DMD: variants seen among roughly 807,000 people sequenced by gnomAD.
DMD encodes the protein dystrophin.
DMD carries 63 observed loss-of-function variants against 330.1 expected under a neutral mutation model. The ratio of observed to expected loss-of-function variants is 0.19; its 90% confidence interval spans 0.16 to 0.24. The LOEUF (loss-of-function observed/expected upper bound fraction) is 0.24, where lower values mean the gene tolerates loss of function less well. Ranked by LOEUF, DMD falls within the 10% of genes least tolerant of loss-of-function variation. The pLI is 1.00. For synonymous variants in DMD, 1,223 were observed against 959.8 expected, an observed-to-expected ratio of 1.27 and a Z score of -5.07; for missense variants, 3,344 against 2,684.1, an observed-to-expected ratio of 1.25 and a Z score of -5.43.
At chrX:32,377,830 C>T (rs1183152491) in intron 34 of DMD, among the ~76,000 whole-genome samples, 1 of 110,812 alleles carries the variant, frequency 9.0e-6, no homozygotes, top group Non-Finnish European at 1.9e-5. Flanking sequence ...CAGTATGTAT[C>T]CATACAAAAT....
chrX:32,264,423 T>C (rs753705087), intron 43 of DMD, among the ~76,000 whole-genome samples: 22 of 111,534 alleles, frequency 2.0e-4, no homozygotes, highest in South Asian at 3.8e-4. Context: ...GAGAGTGGGA[T>C]ACTGCTATAA....
intron 12 of DMD, among the ~76,000 whole-genome samples, chrX:32,605,704 A>C (rs764171441): frequency 2.7e-5 from 3 of 111,224 alleles, no homozygotes; most frequent in Non-Finnish European, 3.8e-5. Flanking sequence ...AAGAAGAAAA[A>C]TAGATAACCC....
Position 31,879,930 on chromosome X carries a change from TG to T in DMD, c.6913-4558del, listed in dbSNP as rs1291603751. ...CATCATTTTTCTAATAATCCTTTTA[TG>T]TATTATAAAACCATGCTCTTCATAT... On this transcript the variant is annotated intron_variant, in intron 47 of 78. Coordinates refer to ENST00000357033, the MANE Select transcript of DMD (RefSeq NM_004006.3). Among the ~76,000 whole-genome samples the T allele has an allele frequency of 8.9e-5, 10 of 112,360 alleles. No individual in the cohort carries two copies. The Admixed American group carries it at 9.5e-4, about 11-fold the overall frequency.
chrX:33,141,571 A>C (rs1341886788), intron 1 of DMD, among the ~76,000 whole-genome samples: 1 of 111,979 alleles, frequency 8.9e-6, no homozygotes, highest in Non-Finnish European at 1.9e-5. Flanking sequence ...AAAAATTTAA[A>C]ATATCTGATT....
At chrX:33,080,873 T>A (rs72626073) in intron 1 of DMD, among the ~76,000 whole-genome samples, 5 of 110,690 alleles carry the variant, frequency 4.5e-5, no homozygotes, top group African/African-American at 1.7e-4. Context: ...ACTAAAGTCA[T>A]GTGAACAAAA....
intron 48 of DMD, among the ~76,000 whole-genome samples, chrX:31,874,071 G>A (rs1208014438): frequency 9.0e-6 from 1 of 111,454 alleles, no homozygotes; most frequent in Non-Finnish European, 1.9e-5. Flanking sequence ...TATGAACAAT[G>A]GGAGATGAAT....
intron 1 of DMD, among the ~76,000 whole-genome samples, chrX:33,147,111 C>T (rs977395256): frequency 1.8e-5 from 2 of 111,510 alleles, no homozygotes; most frequent in Admixed American, 9.6e-5. Flanking sequence ...CGTGAACCAC[C>T]GCCGCTGGCC....
intron 7 of DMD, among the ~76,000 whole-genome samples, chrX:32,773,686 T>C (rs986794804): frequency 1.8e-5 from 2 of 110,751 alleles, no homozygotes; most frequent in African/African-American, 3.3e-5. Flanking sequence ...CTGTGCCTGG[T>C]TGATTTCACT....
intron 60 of DMD, among the ~76,000 whole-genome samples, chrX:31,442,359 G>C (rs990152999): frequency 1.8e-5 from 2 of 111,306 alleles, no homozygotes; most frequent in Non-Finnish European, 3.8e-5. Context: ...TTTGAAGTTA[G>C]ACCTCCTAAT....
chrX:32,586,968 T>C lies in DMD; in HGVS notation c.1602+8789A>G, dbSNP rs2054356134. Among the ~76,000 whole-genome samples the C allele has an allele frequency of 2.7e-5, 3 of 111,787 alleles. No individual in the cohort carries two copies. In the South Asian group the frequency reaches 1.1e-3, roughly 42 times the overall value. ...TATTTCCATCACATTTAAAGTTTTT[T>C]TTAAATGCATTTAATTCACCAAATA... is the stretch of plus-strand genomic sequence containing the variant. On this transcript the variant is annotated intron_variant, in intron 13 of 78. Transcript: ENST00000357033.
chrX:32,830,659 A>G lies in DMD; in HGVS notation c.265-7272T>C, dbSNP rs142845759. On this transcript the variant is annotated intron_variant, in intron 4 of 78. Coordinates refer to ENST00000357033, the MANE Select transcript of DMD (RefSeq NM_004006.3). Reference sequence around the variant, plus strand: ...ACATGCCTTGAGTTTTTGCAGAAATAAGTTAAACTACGCAGCACAATTGGC... The same window carrying G: ...ACATGCCTTGAGTTTTTGCAGAAATGAGTTAAACTACGCAGCACAATTGGC... Among the ~76,000 whole-genome samples the G allele has an allele frequency of 1.2e-4, 13 of 112,018 alleles. No individual in the cohort carries two copies. In the East Asian group the frequency reaches 3.6e-3, roughly 31 times the overall value.
intron 78 of DMD, among the ~76,000 whole-genome samples, chrX:31,125,465 G>A (rs1413828928): frequency 9.0e-6 from 1 of 111,698 alleles, no homozygotes; most frequent in African/African-American, 3.3e-5. Flanking sequence ...TGAATCAGTG[G>A]TCTCTCCAGT....
At position 31,907,447 on chromosome X, in the gene DMD, A is replaced by C. The variant is rs781051487; in HGVS notation, c.6912+22149T>G. Among the ~76,000 whole-genome samples the C allele has an allele frequency of 8.9e-5, 10 of 112,037 alleles. No homozygotes were observed. The East Asian group carries it at 1.7e-3, about 19-fold the overall frequency. ...ATCTGATCTTTGACAAACCTGACAA[A>C]AAACAAGAAATGGGGAAAGGATTCC... On this transcript the variant is annotated intron_variant, in intron 47 of 78. Coordinates refer to ENST00000357033, the MANE Select transcript of DMD (RefSeq NM_004006.3).
chrX:33,148,954 A>G (rs971881802), intron 1 of DMD, among the ~76,000 whole-genome samples: 5 of 110,561 alleles, frequency 4.5e-5, no homozygotes, highest in Admixed American at 9.7e-5. Flanking sequence ...TGGCTGCTCT[A>G]ATAGAATGCA....
intron 2 of DMD, among the ~76,000 whole-genome samples, chrX:32,962,099 T>C (rs1306578991): frequency 9.0e-6 from 1 of 111,406 alleles, no homozygotes; most frequent in East Asian, 2.8e-4. Flanking sequence ...AACATGATTA[T>C]AGTGTATACA....
chrX:32,751,509 G>A (rs1248375483), intron 7 of DMD, among the ~76,000 whole-genome samples: 1 of 111,735 alleles, frequency 8.9e-6, no homozygotes, highest in Non-Finnish European at 1.9e-5. Context: ...GAGGTGACTT[G>A]GGTCCTGTTA....
intron 2 of DMD, among the ~76,000 whole-genome samples, chrX:32,884,027 C>CA (rs1228767946): frequency 1.7e-4 from 19 of 109,387 alleles, no homozygotes; most frequent in South Asian, 1.2e-3. Context: ...TTTTGATGTA[C>CA]TCTATCCCTT....
chrX:32,667,317 A>T (rs1002251270), intron 9 of DMD, among the ~76,000 whole-genome samples: 1 of 111,638 alleles, frequency 9.0e-6, no homozygotes, highest in Non-Finnish European at 1.9e-5. Context: ...TCCTCATGGA[A>T]CTCACACTTT....
intron 17 of DMD, among the ~76,000 whole-genome samples, chrX:32,519,173 A>G (rs141610345): frequency 0.014 from 1,484 of 105,091 alleles, 16 homozygotes; most frequent in South Asian, 0.059. Flanking sequence ...ATTTGCAACA[A>G]CATGTATGAA....
Sources: gnomAD v4.1 joint callset for allele counts (sites outside exome capture counted in the v4.1 genomes callset) on GRCh38, gnomAD v4.1.1 for gene constraint, MANE v1.5 for transcripts, NCBI Gene and HGNC (gene_info 2026-07-23, HGNC 2026-07-21) for gene names.